PIP5K1C: variants seen among roughly 807,000 people sequenced by gnomAD.
PIP5K1C encodes phosphatidylinositol-4-phosphate 5-kinase type 1 gamma.
PIP5K1C carries 45 observed loss-of-function variants against 80.1 expected under a neutral mutation model. That is an observed-to-expected ratio of 0.56 (90% confidence interval 0.44 to 0.72). The LOEUF (loss-of-function observed/expected upper bound fraction) is 0.72. Ranked by LOEUF, PIP5K1C falls within the 30% of genes least tolerant of loss-of-function variation. The pLI, the probability that PIP5K1C is intolerant of heterozygous loss-of-function variation, is 0.00. For synonymous variants in PIP5K1C, 498 were observed against 420.1 expected, an observed-to-expected ratio of 1.19 and a Z score of -2.27; for missense variants, 753 against 954.6, an observed-to-expected ratio of 0.79 and a Z score of 2.78.
chr19:3,695,074 T>C (rs957601615), intron 1 of PIP5K1C, among the ~76,000 whole-genome samples: 2 of 152,220 alleles, frequency 1.3e-5, no homozygotes, highest in Non-Finnish European at 2.9e-5. Context: ...CATGGACAGA[T>C]TCGGGTGGGG....
intron 1 of PIP5K1C, among the ~76,000 whole-genome samples, chr19:3,677,474 T>C (rs1036001897): frequency 5.3e-5 from 8 of 151,678 alleles, no homozygotes; most frequent in Non-Finnish European, 1.0e-4. Context: ...TCCCAGCTAC[T>C]TGGGAGGCGG....
chr19:3,641,861 C>T (rs1394717987), intron 14 of PIP5K1C, 52 bp from the exon 15 acceptor site: 7 of 1,465,412 alleles, frequency 4.8e-6, no homozygotes, highest in Non-Finnish European at 6.6e-6. Context: ...TTCCCCCATC[C>T]TACCCCCAGG....
chr19:3,688,922 G>A lies in PIP5K1C; in HGVS notation c.94+11375C>T, dbSNP rs2035858985. On this transcript the variant is annotated intron_variant, in intron 1 of 17. Transcript: ENST00000335312. The surrounding 1 kb of genome is among the most constrained non-coding windows in gnomAD (Gnocchi z 5.3). Reference sequence around the variant, plus strand: ...CCCCAACACAGCCTGCAAATGGGCGGGGGCCTGGGAGAGTGCCCGGGATGG... The same window carrying A: ...CCCCAACACAGCCTGCAAATGGGCGAGGGCCTGGGAGAGTGCCCGGGATGG... 6.6e-6 allele frequency among the ~76,000 whole-genome samples: 1 copy of A among 151,688 alleles called. No homozygotes were observed. The highest frequency in any genetic ancestry group is 6.6e-5 in the Admixed American group (1 of 15,086).
chr19:3,642,283 C>T (rs1289133790), intron 14 of PIP5K1C, among the ~76,000 whole-genome samples: 6 of 152,264 alleles, frequency 3.9e-5, no homozygotes, highest in African/African-American at 9.6e-5. Flanking sequence ...AGCAACACCG[C>T]GCCACTGCCC....
intron 6 of PIP5K1C, among the ~76,000 whole-genome samples, chr19:3,654,925 C>T (rs1007126221): frequency 7.3e-5 from 11 of 151,660 alleles, no homozygotes; most frequent in African/African-American, 2.2e-4. Flanking sequence ...TTGACCAACA[C>T]GGTGAAACCC....
In PIP5K1C at chr19:3,651,978, G is replaced by A. The variant is rs768343105; in HGVS notation, c.975C>T (p.Asn325=). 6.2e-7 allele frequency: 1 copy of A among 1,613,164 alleles called. No homozygotes were observed. Among genetic ancestry groups the A allele is most frequent in the East Asian group, 2.2e-5 (1 of 44,880 alleles). ...GCCGCTCGCGCTCGTGCTGGTCGATGTTGTGCACGCCCAGCAGCAGGCTGT... is the reference window on the plus strand; with the variant it reads ...GCCGCTCGCGCTCGTGCTGGTCGATATTGTGCACGCCCAGCAGCAGGCTGT... The part of the protein sequence containing the change: ...MDYSLLLGVH[N]IDQHERERQA... The change falls in exon 8 of 18, where the codon AAC becomes AAT. Residue 325 remains asparagine, a synonymous_variant. Coordinates refer to ENST00000335312, the MANE Select transcript of PIP5K1C (RefSeq NM_012398.3).
chr19:3,691,243 C>T (rs2145610194), intron 1 of PIP5K1C, among the ~76,000 whole-genome samples: 1 of 152,298 alleles, frequency 6.6e-6, no homozygotes, highest in East Asian at 1.9e-4. Context: ...GAGATGGACG[C>T]GTCCTCCGCT....
intron 1 of PIP5K1C, chr19:3,668,283 T>A (rs962622367): frequency 2.0e-5 from 3 of 152,062 alleles, no homozygotes; most frequent in African/African-American, 7.2e-5. Context: ...GGGGTCCTCA[T>A]CTGGAGAACG....
intron 1 of PIP5K1C, among the ~76,000 whole-genome samples, chr19:3,672,027 G>A (rs561773627): frequency 5.1e-4 from 77 of 152,274 alleles, no homozygotes; most frequent in Admixed American, 3.5e-3. Flanking sequence ...GGGCTCTGCC[G>A]CTGGGGCCCC....
chr19:3,635,835 C>G (rs914133439), intron 16 of PIP5K1C, among the ~76,000 whole-genome samples: 2 of 151,836 alleles, frequency 1.3e-5, no homozygotes, highest in African/African-American at 4.8e-5. Flanking sequence ...AAAAAATTAG[C>G]CAGGCATGAT....
intron 1 of PIP5K1C, among the ~76,000 whole-genome samples, chr19:3,685,394 G>A (rs890076424): frequency 2.0e-5 from 3 of 152,136 alleles, no homozygotes; most frequent in Non-Finnish European, 2.9e-5. Context: ...TAAAGCAGGG[G>A]CTGGTATACC....
Position 3,661,897 on chromosome 19 carries a change from G to A in PIP5K1C, c.324C>T (p.Tyr108=), listed in dbSNP as rs774464799. The A allele has an allele frequency of 1.8e-5, 29 of 1,612,680 alleles. No homozygotes were observed. Among genetic ancestry groups the A allele is most frequent in the East Asian group, 1.1e-4 (5 of 44,888 alleles). The change falls in exon 4 of 18, where the codon TAC becomes TAT. Residue 108 remains tyrosine (Y), a synonymous_variant. Transcript: ENST00000335312. ...PERDVLMQDF[Y]VVESIFFPSE... is the part of the protein sequence containing the mutation. ...TGGGGAAGAAGATGCTCTCCACCAC[G>A]TAGAAGTCCTGCATGAGCACGTCGC...
In PIP5K1C at chr19:3,648,435, C is replaced by A. The variant is rs1201677304; in HGVS notation, c.1211+190G>T. On this transcript the variant is annotated intron_variant, in intron 9 of 17. Transcript: ENST00000335312. This position sits in a 1 kb window ranked among gnomAD's most constrained non-coding sequence, Gnocchi z 4.3. ...CCGAGAGCTGCTGGTGCGGCTGTTTCCACGGGCAAGCGCCTCTGTGCATGG... is the reference window on the plus strand; with the variant it reads ...CCGAGAGCTGCTGGTGCGGCTGTTTACACGGGCAAGCGCCTCTGTGCATGG... 6.6e-6 allele frequency among the ~76,000 whole-genome samples: 1 copy of A among 152,192 alleles called. No homozygotes were observed.
chr19:3,671,190 A>C (rs2035194501), intron 1 of PIP5K1C, among the ~76,000 whole-genome samples: 4 of 152,288 alleles, frequency 2.6e-5, no homozygotes, highest in African/African-American at 9.6e-5. Flanking sequence ...TCTACTCGCG[A>C]AACCACCCCT....
intron 1 of PIP5K1C, among the ~76,000 whole-genome samples, chr19:3,684,643 C>T (rs929028091): frequency 6.6e-6 from 1 of 152,256 alleles, no homozygotes; most frequent in African/African-American, 2.4e-5. Context: ...GGGAAACTGA[C>T]AGCAAAAGCA....
At position 3,648,670 on chromosome 19, in the gene PIP5K1C, C is replaced by A. The variant is rs773061807; in HGVS notation, c.1166G>T (p.Arg389Leu). The stretch of plus-strand genomic sequence containing the variant: ...GATGATGCCAATGTGCAGCAGCAGC[C>A]GCTCCCCGCGGCCGTTCACAGCGGG... ...GIPAVNGRGERLLLHIGIIDI... is the reference protein window; with the variant it reads ...GIPAVNGRGELLLLHIGIIDI... Residue 389 changes from arginine to leucine, a missense_variant, in exon 9 of 18, where the codon CGG (arginine) becomes CTG (leucine). Coordinates refer to ENST00000335312, the MANE Select transcript of PIP5K1C (RefSeq NM_012398.3). This position sits in a 1 kb window ranked among gnomAD's most constrained non-coding sequence, Gnocchi z 4.3. 6.2e-7 allele frequency: 1 copy of A among 1,613,054 alleles called. No individual in the cohort carries two copies. Among genetic ancestry groups the A allele is most frequent in the Admixed American group, 1.7e-5 (1 of 60,020 alleles).
At chr19:3,641,563 A>T in intron 15 of PIP5K1C, 142 bp downstream of exon 15, 1 of 703,754 alleles carries the variant, frequency 1.4e-6, no homozygotes, top group Non-Finnish European at 2.5e-6. Flanking sequence ...TCAATCAAAA[A>T]ATAAACTTAT....
chr19:3,681,968 C>T (rs73534023), intron 1 of PIP5K1C, among the ~76,000 whole-genome samples: 3,107 of 152,248 alleles, frequency 0.02, 122 homozygotes, highest in African/African-American at 0.072. Flanking sequence ...AATATGCTTC[C>T]ACGAGCCCAG....
At chr19:3,644,384 G>A in intron 11 of PIP5K1C, 133 bp from the exon 12 acceptor site, 1 of 879,710 alleles carries the variant, frequency 1.1e-6, no homozygotes, top group Non-Finnish European at 1.7e-6. Flanking sequence ...AGGCCAGGAA[G>A]CACCACAACC....
Sources: allele counts gnomAD v4.1 joint callset (sites outside exome capture counted in the v4.1 genomes callset), GRCh38; gene constraint gnomAD v4.1.1; non-coding constraint Gnocchi (gnomAD v3.1); transcripts MANE v1.5; gene names NCBI Gene and HGNC (gene_info 2026-07-23, HGNC 2026-07-21).